TCHH: variants seen among roughly 807,000 people sequenced by gnomAD.
TCHH encodes the protein trichohyalin.
TCHH carries 6 observed loss-of-function variants against 6.3 expected under a neutral mutation model. The ratio of observed to expected loss-of-function variants is 0.95; its 90% CI spans 0.52 to 1.88. The LOEUF (loss-of-function observed/expected upper bound fraction) is 1.88. TCHH is among the 40% of genes most tolerant of loss of function. TCHH has a pLI of 0.01. For synonymous variants in TCHH, 1,087 were observed against 963.6 expected (o/e 1.13, Z -2.37); for missense variants, 2,920 against 2,449.1 (o/e 1.19, Z -4.06).
At position 152,106,813 on chromosome 1, in the gene TCHH, AG is replaced by A. The variant is rs546841107; in HGVS notation, c.*571del. On this transcript the variant is annotated 3_prime_UTR_variant, in exon 3 of 3. Coordinates refer to ENST00000614923, the MANE Select transcript of TCHH (RefSeq NM_007113.4). The stretch of plus-strand genomic sequence containing the variant: ...TCTTCCAGTAATGGGCTGATTTTAC[AG>A]GAAGTTTTTATGCAGAGGTCACTCC... 6.6e-6 allele frequency: 1 copy of A among 152,256 alleles called. No homozygotes were observed. The highest frequency in any genetic ancestry group is 1.9e-4 in the East Asian group (1 of 5,202). The allele number at this position is 152,256 out of a possible 1,614,324, so 9.4% of individuals were successfully genotyped here. A position where few individuals can be genotyped will look rare whatever the true frequency, so the allele number is the denominator to read the frequency against.
At chr1:152,114,793 G>A (rs897208134) in intron 1 of TCHH, among the ~76,000 whole-genome samples, 3 of 152,206 alleles carry the variant, frequency 2.0e-5, no homozygotes, top group African/African-American at 7.2e-5. Flanking sequence ...AAGATATTCG[G>A]ATATTGAAGT....
At position 152,108,543 on chromosome 1, in the gene TCHH, G is replaced by T; in HGVS notation, c.4674C>A (p.Arg1558=). Residue 1558 remains arginine (R), a synonymous_variant, in exon 3 of 3, where the codon CGC becomes CGA. Transcript: ENST00000614923. Reference sequence around the variant, plus strand: ...TCTCCTGGCGCAGCTGTTCCTCCTCGCGGAATTTTCTGTCACGGTCCTGAC... The same window carrying T: ...TCTCCTGGCGCAGCTGTTCCTCCTCTCGGAATTTTCTGTCACGGTCCTGAC... ...QRRQDRDRKF[R]EEEQLRQERE... 1 of 1,595,400 alleles carries T rather than the reference G, an allele frequency of 6.3e-7. No homozygotes were observed. The highest frequency in any genetic ancestry group is 8.5e-7 in the Non-Finnish European group (1 of 1,172,762).
rs764168198 is a variant in TCHH at position 152,111,151 on chromosome 1, T to G, written c.2066A>C (p.Glu689Ala). 2 of 1,613,774 alleles carry G rather than the reference T, an allele frequency of 1.2e-6. No homozygotes were observed. Among genetic ancestry groups the G allele is most frequent in the Non-Finnish European group, 1.7e-6 (2 of 1,180,010 alleles). Residue 689 changes from glutamate (E) to alanine (A), a missense_variant, in exon 3 of 3, where the codon GAG (glutamate) becomes GCG (alanine). By Grantham distance (107) the Glu-to-Ala change is moderately radical (BLOSUM62 -1). Transcript: ENST00000614923. ...AATCCGCTCCCGGGCCTGTTCCTGC[T>G]CCTCCTCAGCTAGCTCCTGCTCGCG... Reference protein sequence around the residue: ...ERREQELAEEEQEQARERIKS... With the variant: ...ERREQELAEEAQEQARERIKS...
rs1399311744 is a variant in TCHH, at chr1:152,109,648, T to G, written c.3569A>C (p.Lys1190Thr). The G allele has an allele frequency of 2.9e-5, 45 of 1,556,068 alleles. No individual in the cohort carries two copies. Among genetic ancestry groups the G allele is most frequent in the Non-Finnish European group, 3.7e-5 (43 of 1,150,924 alleles). ...EEQLLREEQE[K>T]RRQERERQYR... Reference sequence around the variant, plus strand: ...CTGCCTCTCCCGCTCCTGGCGCCTTTTCTCCTGTTCCTCTCTCAGCAGCTG... The same window carrying G: ...CTGCCTCTCCCGCTCCTGGCGCCTTGTCTCCTGTTCCTCTCTCAGCAGCTG... Residue 1190 changes from lysine (K) to threonine (T), a missense_variant, in exon 3 of 3, where the codon AAA (lysine) becomes ACA (threonine). Coordinates refer to ENST00000614923, the MANE Select transcript of TCHH (RefSeq NM_007113.4).
Position 152,112,469 on chromosome 1 carries a change from C to T in TCHH, c.748G>A (p.Glu250Lys). Residue 250 changes from glutamate to lysine, a missense_variant, in exon 3 of 3, where the codon GAG (glutamate) becomes AAG (lysine). By Grantham distance (56) the Glu-to-Lys change is moderately conservative. Coordinates refer to ENST00000614923, the MANE Select transcript of TCHH (RefSeq NM_007113.4). ...EEEEKEWRKR[E>K]TVLRKEEEKL... is the part of the protein sequence containing the mutation. ...TCTTCTTCCTTCCGGAGCACTGTCTCGCGCTTCCTCCACTCTTTCTCTTCT... is the reference window on the plus strand; with the variant it reads ...TCTTCTTCCTTCCGGAGCACTGTCTTGCGCTTCCTCCACTCTTTCTCTTCT... 6.2e-7 allele frequency: 1 copy of T among 1,613,600 alleles called. No homozygotes were observed. The highest frequency in any genetic ancestry group is 8.5e-7 in the Non-Finnish European group (1 of 1,179,980).
At position 152,107,076 on chromosome 1, in the gene TCHH, T is replaced by C. The variant is rs1351504790; in HGVS notation, c.*309A>G. On this transcript the variant is annotated 3_prime_UTR_variant, in exon 3 of 3. Transcript: ENST00000614923. The stretch of plus-strand genomic sequence containing the variant: ...TCTTGTTACTTCTGAAAGCAATAAA[T>C]GAACATGTTCCTCAAACAAAATTTC... The C allele has an allele frequency of 4.3e-6, 1 of 231,404 alleles. No individual in the cohort carries two copies. Among genetic ancestry groups the C allele is most frequent in the Non-Finnish European group, 8.4e-6 (1 of 119,508 alleles). 14.3% of individuals were successfully genotyped at this position (231,404 alleles called of 1,614,324 possible).
Position 152,108,227 on chromosome 1 carries a change from C to T in TCHH, c.4990G>A (p.Asp1664Asn). ...RQEREQQLRH[D>N]RDRKFREEEQ... Reference sequence around the variant, plus strand: ...TCTTCACGGAATTTTCTGTCGCGGTCGTGACGCAGCTGTTGTTCGCGCTCC... The same window carrying T: ...TCTTCACGGAATTTTCTGTCGCGGTTGTGACGCAGCTGTTGTTCGCGCTCC... Residue 1664 changes from aspartate to asparagine, a missense_variant, in exon 3 of 3, where the codon GAC (aspartate) becomes AAC (asparagine). Physicochemically the swap from Asp to Asn is conservative, Grantham distance 23. Transcript: ENST00000614923. 1 of 1,613,126 alleles carries T rather than the reference C, an allele frequency of 6.2e-7. No homozygotes were observed. The highest frequency in any genetic ancestry group is 1.1e-5 in the South Asian group (1 of 90,984).
rs1658148070 is a variant in TCHH, at chr1:152,107,733, G to A, written c.5484C>T (p.Leu1828=). The change falls in exon 3 of 3, where the codon CTC becomes CTT. Residue 1828 remains leucine, a synonymous_variant. Transcript: ENST00000614923. The stretch of plus-strand genomic sequence containing the variant: ...GCCTCTGCTCTTGTTCCTCAAGTTG[G>A]AGCTGCTCTTCTTCCCAGCGATACT... ...DGKYRWEEEQ[L]QLEEQEQRLR... The A allele has an allele frequency of 1.2e-6, 2 of 1,614,244 alleles. No homozygotes were observed. The highest frequency in any genetic ancestry group is 1.7e-6 in the Non-Finnish European group (2 of 1,180,050).
Position 152,110,980 on chromosome 1 carries a change from A to T in TCHH, c.2237T>A (p.Leu746Gln). 6.2e-7 allele frequency: 1 copy of T among 1,612,956 alleles called. No homozygotes were observed. Among genetic ancestry groups the T allele is most frequent in the Admixed American group, 1.7e-5 (1 of 59,974 alleles). The change falls in exon 3 of 3, where the codon CTG (leucine) becomes CAG (glutamine). Residue 746 changes from leucine to glutamine, a missense_variant. Transcript: ENST00000614923. The part of the protein sequence containing the change: ...EEKRRRRESE[L>Q]QWQEEERAHR... ...AGCCCGTTCCTCCTCCTGCCATTGC[A>T]GCTCACTCTCCCGGCGCCGCCTCTT...
Position 152,107,878 on chromosome 1 carries a change from C to T in TCHH, c.5339G>A (p.Arg1780His). Residue 1780 changes from arginine (R) to histidine (H), a missense_variant, in exon 3 of 3, where the codon CGC becomes CAC. Arg to His is a conservative substitution (Grantham distance 29). Transcript: ENST00000614923. Reference protein sequence around the residue: ...DRKFREEEQLRQEREEQQLRS... With the variant: ...DRKFREEEQLHQEREEQQLRS... ...CAGCTGCTGTTCCTCCCTCTCCTGG[C>T]GGAGCTGTTCCTCCTCGCGGAATTT... 1 of 1,612,490 alleles carries T rather than the reference C, an allele frequency of 6.2e-7. No individual in the cohort carries two copies. Among genetic ancestry groups the T allele is most frequent in the Non-Finnish European group, 8.5e-7 (1 of 1,179,620 alleles).
In TCHH at chr1:152,107,422, T is replaced by G. The variant is rs1439943772; in HGVS notation, c.5795A>C (p.Glu1932Ala). The G allele has an allele frequency of 6.2e-7, 1 of 1,605,436 alleles. No homozygotes were observed. Among genetic ancestry groups the G allele is most frequent in the African/African-American group, 1.3e-5 (1 of 74,648 alleles). The change falls in exon 3 of 3, where the codon GAG becomes GCG. Residue 1932 changes from glutamate to alanine, a missense_variant. Transcript: ENST00000614923. ...SVPVRSSPLYEYIQEQRSQYR... is the reference protein window; with the variant it reads ...SVPVRSSPLYAYIQEQRSQYR... ...TTGAGATCTCTGCTCTTGGATGTACTCATAGAGAGGGCTGGAGCGCACTGG... is the reference window on the plus strand; with the variant it reads ...TTGAGATCTCTGCTCTTGGATGTACGCATAGAGAGGGCTGGAGCGCACTGG...
rs1171046170 is a variant in TCHH at position 152,109,637 on chromosome 1, C to T, written c.3580G>A (p.Glu1194Lys). The T allele has an allele frequency of 6.2e-7, 1 of 1,610,936 alleles. No individual in the cohort carries two copies. Among genetic ancestry groups the T allele is most frequent in the African/African-American group, 1.3e-5 (1 of 74,800 alleles). The change falls in exon 3 of 3, where the codon GAG becomes AAG. Residue 1194 changes from glutamate (E) to lysine (K), a missense_variant. Transcript: ENST00000614923. Reference sequence around the variant, plus strand: ...TCCTCCCGATACTGCCTCTCCCGCTCCTGGCGCCTTTTCTCCTGTTCCTCT... The same window carrying T: ...TCCTCCCGATACTGCCTCTCCCGCTTCTGGCGCCTTTTCTCCTGTTCCTCT... ...LREEQEKRRQ[E>K]RERQYREEEE...
rs761565101 is a variant in TCHH at position 152,111,722 on chromosome 1, GCTCGCGCCTCTCCTCCTC to G, written c.1477_1494del (p.Glu493_Glu498del). On this transcript the variant is annotated inframe_deletion, in exon 3 of 3. Transcript: ENST00000614923. ...AGTTGCTGCTCGCGCCTCTCCTGCTGCTCGCGCCTCTCCTCCTCCTCGAGCTTCAGCCAACGTTCGCGC... is the reference window on the plus strand; with the variant it reads ...AGTTGCTGCTCGCGCCTCTCCTGCTGCTCGAGCTTCAGCCAACGTTCGCGC... 1 of 1,597,270 alleles carries G rather than the reference GCTCGCGCCTCTCCTCCTC, an allele frequency of 6.3e-7. No individual in the cohort carries two copies. Among genetic ancestry groups the G allele is most frequent in the African/African-American group, 1.4e-5 (1 of 73,008 alleles).
At chr1:152,114,685 T>C (rs1377282523) in intron 1 of TCHH, among the ~76,000 whole-genome samples, 2 of 152,206 alleles carry the variant, frequency 1.3e-5, no homozygotes, top group African/African-American at 4.8e-5. Flanking sequence ...TAAGATTAAA[T>C]AGTACTTCTT....
At chr1:152,113,825 G>A in intron 2 of TCHH, 118 bp downstream of exon 2, 5 of 1,184,538 alleles carry the variant, frequency 4.2e-6, no homozygotes, top group Non-Finnish European at 6.0e-6. Context: ...GGGGGATGTA[G>A]TGTAGACCTG....
chr1:152,110,505 C>G lies in TCHH; in HGVS notation c.2712G>C (p.Gln904His). ...GCTCCTCCTCCTCCTCCTGCAGCAG[C>G]TGCTGTTCCTTCCTCAGCTGCTCTT... ...ALQEQLRKEQ[Q>H]LLQEEEEELQ... The change falls in exon 3 of 3, where the codon CAG becomes CAC. Residue 904 changes from glutamine (Q) to histidine (H), a missense_variant. Physicochemically the swap from Gln to His is conservative, Grantham distance 24 (BLOSUM62 0). Transcript: ENST00000614923. 3 of 1,614,200 alleles carry G rather than the reference C, an allele frequency of 1.9e-6. No individual in the cohort carries two copies. The Admixed American group carries it at 5.0e-5, about 27-fold the overall frequency.
rs376831805 is a variant in TCHH, at chr1:152,107,765, C to G, written c.5452G>C (p.Asp1818His). ...EEQQLRPQQR[D>H]GKYRWEEEQL... is the part of the protein sequence containing the mutation. ...TCTTCTTCCCAGCGATACTTTCCGTCACGCTGTTGGGGGCGCAGCTGCTGT... is the reference window on the plus strand; with the variant it reads ...TCTTCTTCCCAGCGATACTTTCCGTGACGCTGTTGGGGGCGCAGCTGCTGT... Residue 1818 changes from aspartate to histidine, a missense_variant, in exon 3 of 3, where the codon GAC becomes CAC. Coordinates refer to ENST00000614923, the MANE Select transcript of TCHH (RefSeq NM_007113.4). 2.6e-5 allele frequency: 42 copies of G among 1,614,122 alleles called. No homozygotes were observed. In the African/African-American group the frequency reaches 5.5e-4, roughly 21 times the overall value.
Position 152,112,912 on chromosome 1 carries a change from C to G in TCHH, c.305G>C (p.Arg102Pro), listed in dbSNP as rs368966346. The part of the protein sequence containing the change: ...ATGLDEEKRA[R>P]CDGKESLLQD... ...TAACAGGCTCTCCTTTCCGTCACAC[C>G]GGGCTCGCTTCTCCTCATCCAGTCC... Residue 102 changes from arginine to proline, a missense_variant, in exon 3 of 3, where the codon CGG becomes CCG. By Grantham distance (103) the Arg-to-Pro change is moderately radical. Coordinates refer to ENST00000614923, the MANE Select transcript of TCHH (RefSeq NM_007113.4). 1.1e-4 allele frequency: 178 copies of G among 1,613,846 alleles called. 1 individual carries two copies. In the African/African-American group the frequency reaches 2.2e-3, roughly 20 times the overall value.
chr1:152,107,523 G>A lies in TCHH; in HGVS notation c.5694C>T (p.Val1898=), dbSNP rs763906579. Residue 1898 remains valine (V), a synonymous_variant, in exon 3 of 3, where the codon GTC becomes GTT. Coordinates refer to ENST00000614923, the MANE Select transcript of TCHH (RefSeq NM_007113.4). ...QQKEEQRHRQ[V]GEIKSQEGKG... The stretch of plus-strand genomic sequence containing the variant: ...TCCCTTCTTGGGATTTTATCTCCCC[G>A]ACTTGGCGGTGCCTCTGTTCCTCCT... 3.7e-6 allele frequency: 6 copies of A among 1,614,090 alleles called. No individual in the cohort carries two copies. Among genetic ancestry groups the A allele is most frequent in the Non-Finnish European group, 5.1e-6 (6 of 1,180,046 alleles).
Sources: allele counts gnomAD v4.1 joint callset (sites outside exome capture counted in the v4.1 genomes callset), GRCh38; gene constraint gnomAD v4.1.1; transcripts MANE v1.5; gene names NCBI Gene and HGNC (gene_info 2026-07-23, HGNC 2026-07-21).